CR1L: variants seen among roughly 807,000 people sequenced by gnomAD.
CR1L encodes the protein complement C3b/C4b receptor 1 like, also known as complement component receptor 1-like protein.
A neutral mutation model predicts 62.3 loss-of-function variants in CR1L; 59 were observed. That is an observed-to-expected ratio of 0.95 (90% CI 0.77 to 1.18). CR1L has a LOEUF of 1.18. Among genes scored for constraint, CR1L ranks in the 50% most tolerant of loss-of-function variants. The pLI is 0.00. For missense variants in CR1L, 700 were observed against 702.8 expected, an observed-to-expected ratio of 1.00 and a Z score of 0.04; for synonymous variants, 279 against 248.7, an observed-to-expected ratio of 1.12 and a Z score of -1.15.
intron 9 of CR1L, among the ~76,000 whole-genome samples, chr1:207,706,831 A>T (rs1664274907): frequency 6.6e-6 from 1 of 152,234 alleles, no homozygotes; most frequent in Non-Finnish European, 1.5e-5. Flanking sequence ...TCAATGAGAT[A>T]GAAAAGTGGT....
intron 1 of CR1L, among the ~76,000 whole-genome samples, chr1:207,670,934 C>T (rs534739256): frequency 2.6e-5 from 4 of 151,100 alleles, no homozygotes; most frequent in South Asian, 2.1e-4. Context: ...TGGATGCTTC[C>T]GGTGTGCACA....
chr1:207,656,138 T>G (rs1663306997), intron 1 of CR1L, among the ~76,000 whole-genome samples: 1 of 152,130 alleles, frequency 6.6e-6, no homozygotes, highest in Non-Finnish European at 1.5e-5. Flanking sequence ...CTCTGGAGGC[T>G]GAGGCAGGAG....
intron 10 of CR1L, among the ~76,000 whole-genome samples, chr1:207,710,200 C>T (rs1571534375): frequency 6.6e-6 from 1 of 152,094 alleles, no homozygotes; most frequent in Non-Finnish European, 1.5e-5. Flanking sequence ...AAAAATAAAC[C>T]AGATACGGTG....
At chr1:207,710,303 A>T in intron 10 of CR1L, 2 of 862,242 alleles carry the variant, frequency 2.3e-6, no homozygotes, top group South Asian at 1.5e-5. Flanking sequence ...TGATCGTGCC[A>T]CTGCACTCCA....
intron 10 of CR1L, chr1:207,710,779 C>G (rs879447223): frequency 7.4e-5 from 118 of 1,599,766 alleles, no homozygotes; most frequent in Non-Finnish European, 8.7e-5. Context: ...CCAAGCTGCT[C>G]CAGGGGTGTG....
intron 8 of CR1L, among the ~76,000 whole-genome samples, chr1:207,700,370 A>G (rs952556528): frequency 9.2e-5 from 14 of 152,162 alleles, no homozygotes; most frequent in African/African-American, 2.7e-4. Flanking sequence ...TGGACTACTC[A>G]AGCTTTCTCT....
intron 8 of CR1L, 128 bp from the exon 9 acceptor site, chr1:207,701,391 G>A: frequency 8.1e-7 from 1 of 1,233,832 alleles, no homozygotes; most frequent in African/African-American, 1.5e-5. Context: ...TTTTCTCAAG[G>A]TGCCAAAATC....
chr1:207,718,712 G>C (rs1242144087), intron 11 of CR1L, among the ~76,000 whole-genome samples: 2 of 152,080 alleles, frequency 1.3e-5, no homozygotes, highest in African/African-American at 2.4e-5. Flanking sequence ...CATGAGCCTG[G>C]TGCTGACTTT....
intron 9 of CR1L, 50 bp downstream of exon 9, chr1:207,701,668 C>T (rs754920976): frequency 3.1e-6 from 5 of 1,610,854 alleles, no homozygotes; most frequent in Non-Finnish European, 4.2e-6. Flanking sequence ...CACAGCAATA[C>T]TACCTTCTAG....
intron 1 of CR1L, among the ~76,000 whole-genome samples, chr1:207,656,940 A>G (rs1663320969): frequency 6.6e-6 from 1 of 152,224 alleles, no homozygotes; most frequent in Non-Finnish European, 1.5e-5. Flanking sequence ...AAAGTTAGTT[A>G]CTACATTAAT....
At chr1:207,669,488 C>G (rs11578682) in intron 1 of CR1L, 81,983 of 1,577,756 alleles carry the variant, frequency 0.052, 2,727 homozygotes, top group South Asian at 0.11. Context: ...GTTGGGCAGC[C>G]GGCGCCCGGT....
chr1:207,698,601 G>A (rs1359712705), intron 7 of CR1L, among the ~76,000 whole-genome samples: 1 of 152,206 alleles, frequency 6.6e-6, no homozygotes, highest in African/African-American at 2.4e-5. Context: ...AGAGTTAGGA[G>A]GGCATCGGGG....
intron 4 of CR1L, among the ~76,000 whole-genome samples, chr1:207,692,998 A>G (rs1664019996): frequency 6.6e-6 from 1 of 152,162 alleles, no homozygotes; most frequent in Non-Finnish European, 1.5e-5. Context: ...ATCTTCTGAC[A>G]ACAAATTCTT....
intron 1 of CR1L, among the ~76,000 whole-genome samples, chr1:207,672,044 C>CAT (rs1423121076): frequency 6.6e-6 from 1 of 150,868 alleles, no homozygotes; most frequent in East Asian, 1.9e-4. Flanking sequence ...CTATATCAAC[C>CAT]ATCATTTTGA....
intron 1 of CR1L, among the ~76,000 whole-genome samples, chr1:207,674,386 G>A (rs1183315218): frequency 2.0e-5 from 3 of 152,074 alleles, no homozygotes; most frequent in South Asian, 2.1e-4. Context: ...TTAAACTTAT[G>A]GTAGGTCTTG....
chr1:207,649,451 T>A (rs77654757), intron 1 of CR1L, among the ~76,000 whole-genome samples: 5,826 of 152,326 alleles, frequency 0.038, 177 homozygotes, highest in South Asian at 0.12. Context: ...TAGGGCAGCT[T>A]GAGCCCTTTT....
At chr1:207,669,554 C>T in intron 1 of CR1L, 1 of 1,560,674 alleles carries the variant, frequency 6.4e-7, no homozygotes, top group South Asian at 1.1e-5. Context: ...CTCGCGCTGC[C>T]GGTGGCCTGG....
chr1:207,723,635 A>C lies in CR1L; in HGVS notation c.1660A>C (p.Ile554Leu). ...PVGAGSHDAL[I>L]VGKFYEVFAE... is the part of the protein sequence containing the mutation. ...CCTTTTAGGTTCACATGATGCTCTT[A>C]TAGTTGGTAAGTTTTATGAAGTGTT... Residue 554 changes from isoleucine to leucine, a missense_variant, in exon 12 of 12, where the codon ATA (isoleucine) becomes CTA (leucine). Transcript: ENST00000508064. 1.3e-6 allele frequency: 2 copies of C among 1,597,136 alleles called. No homozygotes were observed. Among genetic ancestry groups the C allele is most frequent in the South Asian group, 2.3e-5 (2 of 88,508 alleles).
intron 3 of CR1L, among the ~76,000 whole-genome samples, chr1:207,682,884 T>C (rs1213336402): frequency 6.6e-6 from 1 of 152,240 alleles, no homozygotes; most frequent in African/African-American, 2.4e-5. Flanking sequence ...TTGCTAACTT[T>C]AACATTTTAA....
Sources: allele counts gnomAD v4.1 joint callset (sites outside exome capture counted in the v4.1 genomes callset), GRCh38; gene constraint gnomAD v4.1.1; transcripts MANE v1.5; gene names NCBI Gene and HGNC (gene_info 2026-07-23, HGNC 2026-07-21).